MAST4: variants seen among roughly 807,000 people sequenced by gnomAD.
MAST4 encodes microtubule-associated serine/threonine-protein kinase 4.
MAST4 carries 89 observed loss-of-function variants against 162.7 expected under a neutral mutation model. The ratio of observed to expected loss-of-function variants is 0.55; its 90% CI spans 0.46 to 0.65. The LOEUF (loss-of-function observed/expected upper bound fraction) is 0.65, where lower values mean the gene tolerates loss of function less well. Ranked by LOEUF, MAST4 falls within the 30% of genes least tolerant of loss-of-function variation. MAST4 has a pLI of 0.00. For synonymous variants in MAST4, 1,479 were observed against 1,361.1 expected (o/e 1.09, Z -1.91); for missense variants, 3,153 against 3,374.0 (o/e 0.93, Z 1.62).
chr5:66,931,585 A>G (rs1212568751), intron 4 of MAST4, among the ~76,000 whole-genome samples: 2 of 152,180 alleles, frequency 1.3e-5, no homozygotes, highest in Non-Finnish European at 2.9e-5. Context: ...AACAAGATTG[A>G]GCTAGACATT....
At chr5:66,700,877 CT>C (rs1749732069) in intron 1 of MAST4, among the ~76,000 whole-genome samples, 1 of 150,286 alleles carries the variant, frequency 6.7e-6, no homozygotes, top group Admixed American at 6.6e-5. Flanking sequence ...TTCAAGTGTC[CT>C]TTTATTTGTA....
In MAST4 at chr5:67,162,743, C is replaced by T. The variant is rs201605726; in HGVS notation, c.3922C>T (p.Arg1308Trp). 2.8e-5 allele frequency: 45 copies of T among 1,613,764 alleles called. No individual in the cohort carries two copies. In the Middle Eastern group the frequency reaches 4.9e-4, roughly 18 times the overall value. The change falls in exon 28 of 29, where the codon CGG becomes TGG. Residue 1308 changes from arginine (R) to tryptophan (W), a missense_variant. Transcript: ENST00000403625. ...TTCCCCCACTCATAGCTTGTCTCCCCGGTCTCCAACACCAAGCTACCGCTC... is the reference window on the plus strand; with the variant it reads ...TTCCCCCACTCATAGCTTGTCTCCCTGGTCTCCAACACCAAGCTACCGCTC... ...PGSPTHSLSP[R>W]SPTPSYRSTP...
At chr5:67,063,733 G>A (rs1189330508) in intron 5 of MAST4, among the ~76,000 whole-genome samples, 3 of 151,606 alleles carry the variant, frequency 2.0e-5, no homozygotes, top group Admixed American at 1.3e-4. Flanking sequence ...CAGCATTTTT[G>A]TTGTGTTTGT....
At chr5:66,951,598 A>ATGTGTGTGTGTGTG (rs59043309) in intron 4 of MAST4, among the ~76,000 whole-genome samples, 57 of 122,368 alleles carry the variant, frequency 4.7e-4, no homozygotes, top group South Asian at 9.3e-4. Flanking sequence ...CTCCCATGAT[A>ATGTGTGTGTGTGTG]TGTGTGTGTG....
At chr5:67,095,852 T>A (rs908397456) in intron 7 of MAST4, among the ~76,000 whole-genome samples, 177 bp downstream of exon 7, 2 of 152,216 alleles carry the variant, frequency 1.3e-5, no homozygotes, top group Admixed American at 6.5e-5. Flanking sequence ...AGGACATACT[T>A]TCGCTGCAAG....
intron 8 of MAST4, 44 bp downstream of exon 8, chr5:67,100,636 A>G (rs1225376106): frequency 1.9e-6 from 3 of 1,610,014 alleles, no homozygotes; most frequent in East Asian, 2.2e-5. Context: ...TGGATTCTCT[A>G]TTTTCAAACA....
chr5:66,828,129 A>T (rs1389274295), intron 3 of MAST4, among the ~76,000 whole-genome samples: 1 of 152,174 alleles, frequency 6.6e-6, no homozygotes, highest in Non-Finnish European at 1.5e-5. Context: ...CTAAGTTATT[A>T]TCATGAGGGA....
intron 3 of MAST4, among the ~76,000 whole-genome samples, chr5:66,811,679 T>C (rs1157960384): frequency 1.3e-5 from 2 of 152,170 alleles, no homozygotes; most frequent in Middle Eastern, 3.2e-3. Context: ...CTGGTGAACA[T>C]CTTGATTTAG....
chr5:67,007,102 G>C (rs538797246), intron 4 of MAST4, among the ~76,000 whole-genome samples: 6 of 152,214 alleles, frequency 3.9e-5, no homozygotes, highest in African/African-American at 7.2e-5. Flanking sequence ...AGAAGGCTAG[G>C]TATCCTCATC....
At chr5:66,832,115 G>A (rs760791984) in intron 3 of MAST4, among the ~76,000 whole-genome samples, 7 of 152,042 alleles carry the variant, frequency 4.6e-5, no homozygotes, top group Non-Finnish European at 5.9e-5. Context: ...AAAGAGAGGG[G>A]CATCCCAGAG....
At chr5:66,894,012 T>A (rs1009518144) in intron 3 of MAST4, among the ~76,000 whole-genome samples, 2 of 152,184 alleles carry the variant, frequency 1.3e-5, no homozygotes, top group African/African-American at 4.8e-5. Flanking sequence ...ACCCAGCTAA[T>A]TTTAAGCTTT....
At position 67,123,895 on chromosome 5, in the gene MAST4, C is replaced by T. The variant is rs150856680; in HGVS notation, c.1745+2793C>T. On this transcript the variant is annotated intron_variant, in intron 14 of 28. Transcript: ENST00000403625. ...GCGCATGTGTGCAAGTGGCATACGCCCTGTCTCCCACATGCTATCCCTGTA... is the reference window on the plus strand; with the variant it reads ...GCGCATGTGTGCAAGTGGCATACGCTCTGTCTCCCACATGCTATCCCTGTA... Among the ~76,000 whole-genome samples the T allele has an allele frequency of 1.1e-3, 164 of 152,300 alleles. 2 individuals are homozygous for T. The highest frequency in any genetic ancestry group is 3.9e-3 in the African/African-American group (162 of 41,566).
At chr5:66,901,202 A>C (rs1035083936) in intron 4 of MAST4, among the ~76,000 whole-genome samples, 1 of 152,134 alleles carries the variant, frequency 6.6e-6, no homozygotes, top group African/African-American at 2.4e-5. Context: ...ATTTTTTTGT[A>C]CTTTTATTTA....
At chr5:66,735,603 C>A (rs983545686) in intron 1 of MAST4, among the ~76,000 whole-genome samples, 4 of 152,152 alleles carry the variant, frequency 2.6e-5, no homozygotes, top group South Asian at 2.1e-4. Flanking sequence ...AGGATCCATG[C>A]GCTTTGACAA....
At chr5:66,825,880 G>C (rs904599678) in intron 3 of MAST4, among the ~76,000 whole-genome samples, 2 of 152,094 alleles carry the variant, frequency 1.3e-5, no homozygotes, top group Admixed American at 6.5e-5. Context: ...CTGGTACTTT[G>C]TGAATTGACT....
intron 1 of MAST4, among the ~76,000 whole-genome samples, chr5:66,647,627 T>C (rs569376167): frequency 6.6e-6 from 1 of 152,320 alleles, no homozygotes; most frequent in Non-Finnish European, 1.5e-5. Flanking sequence ...TGTAGTTTGA[T>C]TGAAGACTTA....
intron 3 of MAST4, among the ~76,000 whole-genome samples, chr5:66,821,092 C>G (rs1756972318): frequency 6.6e-6 from 1 of 152,200 alleles, no homozygotes; most frequent in Non-Finnish European, 1.5e-5. Flanking sequence ...ATCCCACCTG[C>G]AATTTTTGCT....
intron 5 of MAST4, among the ~76,000 whole-genome samples, chr5:67,076,156 A>T (rs551706646): frequency 6.6e-6 from 1 of 152,002 alleles, no homozygotes; most frequent in Non-Finnish European, 1.5e-5. Flanking sequence ...ACCATTTCCA[A>T]TTTCTTGAGT....
chr5:66,991,941 C>CTA (rs1055030180), intron 4 of MAST4, among the ~76,000 whole-genome samples: 1 of 152,150 alleles, frequency 6.6e-6, no homozygotes, highest in African/African-American at 2.4e-5. Flanking sequence ...GCTGCAGTTC[C>CTA]TTCAGGGAAG....
Sources: gnomAD v4.1 joint callset for allele counts (sites outside exome capture counted in the v4.1 genomes callset) on GRCh38, gnomAD v4.1.1 for gene constraint, MANE v1.5 for transcripts, NCBI Gene and HGNC (gene_info 2026-07-23, HGNC 2026-07-21) for gene names.